The following TBC1D4 variants were observed in gnomAD, a reference collection of about 807,000 sequenced individuals.
The protein encoded by TBC1D4 is TBC (Tre-2, BUB2, CDC16) domain-containing protein.
Under a neutral mutation model 142.5 loss-of-function variants are expected in TBC1D4, and 121 were observed. The observed-to-expected ratio is 0.85, with a 90% CI of 0.73 to 0.99. The LOEUF (loss-of-function observed/expected upper bound fraction) is 0.99, where lower values mean the gene tolerates loss of function less well. Ranked by LOEUF, TBC1D4 falls within the 50% of genes least tolerant of loss-of-function variation. The probability of loss-of-function intolerance (pLI) is 0.00; values close to 1 mark genes in which losing one functional copy is unlikely to be tolerated. For synonymous variants in TBC1D4, 630 were observed against 628.2 expected (o/e 1.00, Z -0.04); for missense variants, 1,475 against 1,606.6 (o/e 0.92, Z 1.40).
At chr13:75,438,322 T>C (rs915303308) in intron 1 of TBC1D4, among the ~76,000 whole-genome samples, 1 of 152,192 alleles carries the variant, frequency 6.6e-6, no homozygotes, top group African/African-American at 2.4e-5. Context: ...TATGTTCAAT[T>C]TTCTCTAGAA....
intron 1 of TBC1D4, among the ~76,000 whole-genome samples, chr13:75,385,082 C>A (rs1884090978): frequency 6.6e-6 from 1 of 152,200 alleles, no homozygotes; most frequent in Non-Finnish European, 1.5e-5. Flanking sequence ...TGCTCAGCAG[C>A]CTGGGAGGCC....
chr13:75,327,983 C>T (rs1282984291), intron 8 of TBC1D4, among the ~76,000 whole-genome samples, 157 bp from the exon 9 acceptor site: 1 of 152,150 alleles, frequency 6.6e-6, no homozygotes, highest in African/African-American at 2.4e-5. Context: ...CATTACAGCA[C>T]AGTAAAAATA....
At chr13:75,427,780 G>GTGCT (rs2138147372) in intron 1 of TBC1D4, among the ~76,000 whole-genome samples, 1 of 152,272 alleles carries the variant, frequency 6.6e-6, no homozygotes, top group South Asian at 2.1e-4. Flanking sequence ...ATTTATAACT[G>GTGCT]TGCTTTATTC....
intron 15 of TBC1D4, among the ~76,000 whole-genome samples, chr13:75,305,470 T>C (rs1877086878): frequency 6.6e-6 from 1 of 152,208 alleles, no homozygotes; most frequent in African/African-American, 2.4e-5. Context: ...AAATAAAGCA[T>C]TCAGTAAAAA....
At chr13:75,463,231 T>C (rs554883399) in intron 1 of TBC1D4, among the ~76,000 whole-genome samples, 4 of 152,212 alleles carry the variant, frequency 2.6e-5, no homozygotes, top group Non-Finnish European at 5.9e-5. Flanking sequence ...GAAGCAGTAG[T>C]GTAATGATGT....
In TBC1D4 at chr13:75,287,030, T is replaced by G. The variant is rs1165898206; in HGVS notation, c.3664-5A>C. On this transcript the variant is annotated splice_region_variant and splice_polypyrimidine_tract_variant and intron_variant, in intron 20 of 20. Transcript: ENST00000377636. ...CTGGATTTTAGTATGAGCTACCTGTTTGGGGGGGAAAAAATCCTCCAAATC... is the reference window on the plus strand; with the variant it reads ...CTGGATTTTAGTATGAGCTACCTGTGTGGGGGGGAAAAAATCCTCCAAATC... 1 of 1,600,844 alleles carries G rather than the reference T, an allele frequency of 6.2e-7. No homozygotes were observed. The highest frequency in any genetic ancestry group is 1.6e-5 in the African/African-American group (1 of 63,564).
chr13:75,461,606 A>C (rs7998043), intron 1 of TBC1D4, among the ~76,000 whole-genome samples: 141,432 of 152,256 alleles, frequency 0.93, 66,548 homozygotes, highest in Non-Finnish European at 1. Flanking sequence ...ATGTCATATT[A>C]TTTATAGAAA....
At chr13:75,419,393 T>A (rs1013429045) in intron 1 of TBC1D4, among the ~76,000 whole-genome samples, 2 of 152,198 alleles carry the variant, frequency 1.3e-5, no homozygotes, top group African/African-American at 4.8e-5. Flanking sequence ...AATGTATGTA[T>A]CTAGTAAGGA....
intron 8 of TBC1D4, among the ~76,000 whole-genome samples, chr13:75,331,862 A>C (rs1185765344): frequency 6.7e-6 from 1 of 149,626 alleles, no homozygotes; most frequent in Non-Finnish European, 1.5e-5. Context: ...AAAAAAAAAG[A>C]CAAGTTTTAG....
rs139032770 is a variant in TBC1D4, at chr13:75,391,931, C to T, written c.499-29324G>A. Among the ~76,000 whole-genome samples, 254 of 152,236 alleles carry T rather than the reference C, an allele frequency of 1.7e-3. 1 individual carries two copies. The highest frequency in any genetic ancestry group is 5.8e-3 in the African/African-American group (240 of 41,538). The stretch of plus-strand genomic sequence containing the variant: ...GTCTTTCCAGTGACAACTCCATTGG[C>T]CACACTCACTGAAACCCTCTCTCTC... On this transcript the variant is annotated intron_variant, in intron 1 of 20. Coordinates refer to ENST00000377636, the MANE Select transcript of TBC1D4 (RefSeq NM_014832.5).
intron 1 of TBC1D4, among the ~76,000 whole-genome samples, chr13:75,456,609 TC>T: frequency 6.6e-6 from 1 of 151,902 alleles, no homozygotes; most frequent in Non-Finnish European, 1.5e-5. Context: ...ACAAATACAT[TC>T]CCTACAAGAA....
At chr13:75,330,932 G>A (rs374891857) in intron 8 of TBC1D4, among the ~76,000 whole-genome samples, 36 of 152,294 alleles carry the variant, frequency 2.4e-4, no homozygotes, top group African/African-American at 7.7e-4. Flanking sequence ...CACCTGCCTG[G>A]TTATCTCAGA....
intron 5 of TBC1D4, among the ~76,000 whole-genome samples, chr13:75,347,307 T>A (rs1174297052): frequency 2.0e-5 from 3 of 152,250 alleles, no homozygotes; most frequent in Non-Finnish European, 4.4e-5. Flanking sequence ...CTGAGAAGTA[T>A]TTTTCAATAT....
chr13:75,324,552 A>G, intron 10 of TBC1D4, 151 bp from the exon 11 acceptor site: 1 of 892,540 alleles, frequency 1.1e-6, no homozygotes, highest in Non-Finnish European at 1.7e-6. Context: ...AAAAAAGAAG[A>G]AGCATGCAGT....
intron 19 of TBC1D4, 69 bp from the exon 20 acceptor site, chr13:75,289,179 G>T (rs7332292): frequency 6.4e-7 from 1 of 1,565,028 alleles, no homozygotes; most frequent in Non-Finnish European, 8.8e-7. Flanking sequence ...TGTTTATCTT[G>T]GTATATTTCA....
At chr13:75,456,630 T>C (rs752703059) in intron 1 of TBC1D4, among the ~76,000 whole-genome samples, 2 of 151,594 alleles carry the variant, frequency 1.3e-5, no homozygotes, top group African/African-American at 2.4e-5. Context: ...ATGGCTAAAA[T>C]GAAAGAACTT....
At chr13:75,371,627 A>G (rs1254523783) in intron 1 of TBC1D4, among the ~76,000 whole-genome samples, 1 of 152,198 alleles carries the variant, frequency 6.6e-6, no homozygotes, top group African/African-American at 2.4e-5. Context: ...TGAGGTGAAG[A>G]CATCTTTAGG....
intron 1 of TBC1D4, among the ~76,000 whole-genome samples, chr13:75,452,062 T>C (rs530296863): frequency 1.3e-5 from 2 of 152,286 alleles, no homozygotes; most frequent in South Asian, 4.1e-4. Flanking sequence ...TATTTTTCTT[T>C]TGACTGATTT....
intron 1 of TBC1D4, among the ~76,000 whole-genome samples, chr13:75,409,037 A>ATACG (rs1555317966): frequency 1.4e-4 from 1 of 7,078 alleles, no homozygotes; most frequent in Non-Finnish European, 3.0e-4. Flanking sequence ...ATATATACAC[A>ATACG]CACGCACACA....
Sources: gnomAD v4.1 joint callset for allele counts (sites outside exome capture counted in the v4.1 genomes callset) on GRCh38, gnomAD v4.1.1 for gene constraint, MANE v1.5 for transcripts, NCBI Gene and HGNC (gene_info 2026-07-23, HGNC 2026-07-21) for gene names.